Variants in FLG2 observed in about 807,000 individuals in gnomAD.
The protein encoded by FLG2 is filaggrin-2.
A neutral mutation model predicts 3.9 loss-of-function variants in FLG2; 7 were observed. The ratio of observed to expected loss-of-function variants is 1.79; its 90% CI spans 1.02 to 3.36. The LOEUF is 3.36. Among genes scored for constraint, FLG2 ranks in the 30% most tolerant of loss-of-function variants. The pLI, the probability that FLG2 is intolerant of heterozygous loss-of-function variation, is 0.00. For synonymous variants in FLG2, 1,031 were observed against 1,056.1 expected (o/e 0.98, Z 0.46); for missense variants, 2,700 against 2,809.4 (o/e 0.96, Z 0.88).
chr1:152,356,684 C>T lies in FLG2; in HGVS notation c.1102G>A (p.Gly368Arg), dbSNP rs1557900034. ...RENGQPQNCG[G>R]QWRTGSSQSS... ...TGACTTGAGCCTGTTCTCCATTGTC[C>T]TCCACAGTTCTGTGGTTGACCATTT... Residue 368 changes from glycine to arginine, a missense_variant, in exon 3 of 3, where the codon GGA (glycine) becomes AGA (arginine). Gly to Arg is a moderately radical substitution (Grantham distance 125, BLOSUM62 -2). Transcript: ENST00000388718. The T allele has an allele frequency of 1.9e-6, 3 of 1,614,244 alleles. No individual in the cohort carries two copies. The highest frequency in any genetic ancestry group is 2.5e-6 in the Non-Finnish European group (3 of 1,180,046).
In FLG2 at chr1:152,350,497, T is replaced by G. The variant is rs1570934817; in HGVS notation, c.*113A>C. The G allele has an allele frequency of 7.5e-7, 1 of 1,335,310 alleles. No individual in the cohort carries two copies. The highest frequency in any genetic ancestry group is 1.0e-6 in the Non-Finnish European group (1 of 987,792). 82.7% of individuals were successfully genotyped at this position (1,335,310 alleles called of 1,614,324 possible). On this transcript the variant is annotated 3_prime_UTR_variant, in exon 3 of 3. Transcript: ENST00000388718. ...TATAATAATAGGTCGAGACTGATAC[T>G]GAGAATCAACTGAATGTTCATAACT...
In FLG2 at chr1:152,352,016, C is replaced by T; in HGVS notation, c.5770G>A (p.Gly1924Arg). 6.2e-7 allele frequency: 1 copy of T among 1,613,854 alleles called. No homozygotes were observed. Among genetic ancestry groups the T allele is most frequent in the Non-Finnish European group, 8.5e-7 (1 of 1,179,958 alleles). Reference sequence around the variant, plus strand: ...TGTTCAGTGGTATCTCCTGTCTGTCCATGAGTAGTTTGGTGTCTCTTGTGA... The same window carrying T: ...TGTTCAGTGGTATCTCCTGTCTGTCTATGAGTAGTTTGGTGTCTCTTGTGA... Reference protein sequence around the residue: ...TVHKRHQTTHGQTGDTTEHGH... With the variant: ...TVHKRHQTTHRQTGDTTEHGH... Residue 1924 changes from glycine (G) to arginine (R), a missense_variant, in exon 3 of 3, where the codon GGA (glycine) becomes AGA (arginine). Coordinates refer to ENST00000388718, the MANE Select transcript of FLG2 (RefSeq NM_001014342.3).
chr1:152,356,447 A>T lies in FLG2; in HGVS notation c.1339T>A (p.Cys447Ser). 1 of 1,614,268 alleles carries T rather than the reference A, an allele frequency of 6.2e-7. No individual in the cohort carries two copies. Residue 447 changes from cysteine to serine, a missense_variant, in exon 3 of 3, where the codon TGT becomes AGT. Physicochemically the swap from Cys to Ser is moderately radical, Grantham distance 112. Coordinates refer to ENST00000388718, the MANE Select transcript of FLG2 (RefSeq NM_001014342.3). ...SQSSGFEQHV[C>S]GSGQTCGQHE... Reference sequence around the variant, plus strand: ...TGGCCACAAGTTTGACCTGAGCCACATACATGTTGTTCGAACCCAGAGGAC... The same window carrying T: ...TGGCCACAAGTTTGACCTGAGCCACTTACATGTTGTTCGAACCCAGAGGAC...
At position 152,355,126 on chromosome 1, in the gene FLG2, T is replaced by C; in HGVS notation, c.2660A>G (p.His887Arg). 6.4e-7 allele frequency: 1 copy of C among 1,555,900 alleles called. No individual in the cohort carries two copies. The highest frequency in any genetic ancestry group is 1.3e-5 in the African/African-American group (1 of 74,456). Residue 887 changes from histidine to arginine, a missense_variant, in exon 3 of 3, where the codon CAT (histidine) becomes CGT (arginine). Physicochemically the swap from His to Arg is conservative, Grantham distance 29. Transcript: ENST00000388718. ...ACTGGACTGACCTGAGCCTGATCCA[T>C]GTTGTCCAAAGCCAGAGTATTGACC... is the stretch of plus-strand genomic sequence containing the variant. ...SSGQYSGFGQ[H>R]GSGSGQSSGF...
Position 152,357,168 on chromosome 1 carries a change from T to G in FLG2, c.618A>C (p.Glu206Asp), listed in dbSNP as rs200601828. The G allele has an allele frequency of 1.1e-4, 178 of 1,614,170 alleles. No individual in the cohort carries two copies. In the Admixed American group the frequency reaches 2.9e-3, roughly 27 times the overall value. Reference sequence around the variant, plus strand: ...GGCTAATGTGTGACTTGTTTATTCTTTCTCTCAGTTCTACAGAGCTGGAAC... The same window carrying G: ...GGCTAATGTGTGACTTGTTTATTCTGTCTCTCAGTTCTACAGAGCTGGAAC... ...RHGSSSVELR[E>D]RINKSHISPS... is the part of the protein sequence containing the mutation. Residue 206 changes from glutamate to aspartate, a missense_variant, in exon 3 of 3, where the codon GAA becomes GAC. By Grantham distance (45) the Glu-to-Asp change is conservative (BLOSUM62 2). Transcript: ENST00000388718.
At position 152,353,887 on chromosome 1, in the gene FLG2, T is replaced by C; in HGVS notation, c.3899A>G (p.Tyr1300Cys). 1 of 1,614,024 alleles carries C rather than the reference T, an allele frequency of 6.2e-7. No homozygotes were observed. The highest frequency in any genetic ancestry group is 8.5e-7 in the Non-Finnish European group (1 of 1,179,952). ...GCGAACTGTGGATCCTGACTTTGGGTAGTGAGATCCAGCTTGTGTGTGAAT... is the reference window on the plus strand; with the variant it reads ...GCGAACTGTGGATCCTGACTTTGGGCAGTGAGATCCAGCTTGTGTGTGAAT... ...EHIHTQAGSH[Y>C]PKSGSTVRRR... The change falls in exon 3 of 3, where the codon TAC (tyrosine) becomes TGC (cysteine). Residue 1300 changes from tyrosine to cysteine, a missense_variant. By Grantham distance (194) the Tyr-to-Cys change is radical. Transcript: ENST00000388718.
rs149513642 is a variant in FLG2, at chr1:152,354,593, C to T, written c.3193G>A (p.Gly1065Arg). The T allele has an allele frequency of 9.8e-4, 1,587 of 1,613,510 alleles. 2 individuals are homozygous for T. Among genetic ancestry groups the T allele is most frequent in the Non-Finnish European group, 1.3e-3 (1,490 of 1,179,910 alleles). ...GTGSGQSSGF[G>R]QYESRSRQSS... The stretch of plus-strand genomic sequence containing the variant: ...TGACGTGATCTAGACTCATATTGTC[C>T]AAAACCAGAGGATTGTCCTGAACCA... Residue 1065 changes from glycine (G) to arginine (R), a missense_variant, in exon 3 of 3, where the codon GGA becomes AGA. By Grantham distance (125) the Gly-to-Arg change is moderately radical. Transcript: ENST00000388718.
At position 152,351,742 on chromosome 1, in the gene FLG2, G is replaced by T; in HGVS notation, c.6044C>A (p.Ser2015Tyr). 6.2e-7 allele frequency: 1 copy of T among 1,610,756 alleles called. No individual in the cohort carries two copies. The highest frequency in any genetic ancestry group is 8.5e-7 in the Non-Finnish European group (1 of 1,179,426). Residue 2015 changes from serine to tyrosine, a missense_variant, in exon 3 of 3, where the codon TCC (serine) becomes TAC (tyrosine). Physicochemically the swap from Ser to Tyr is moderately radical, Grantham distance 144. Transcript: ENST00000388718. ...AGTTGTCCTGGACCCTCTCTGTGTG[G>T]ACTGTCCATGACCAGAGTGGCCATG... is the stretch of plus-strand genomic sequence containing the variant. ...TRHGHSGHGQ[S>Y]TQRGSRTTGR...
In FLG2 at chr1:152,354,391, C is replaced by A. The variant is rs1218983814; in HGVS notation, c.3395G>T (p.Gly1132Val). Residue 1132 changes from glycine (G) to valine (V), a missense_variant, in exon 3 of 3, where the codon GGG (glycine) becomes GTG (valine). Physicochemically the swap from Gly to Val is moderately radical, Grantham distance 109. Transcript: ENST00000388718. ...GCCAGAGGATTTACCTGTGCCTGAC[C>A]CATGTTGTCCAAAGCCAGAAGACTG... ...SGQSSGFGQHGSGTGKSSGFA... is the reference protein window; with the variant it reads ...SGQSSGFGQHVSGTGKSSGFA... The A allele has an allele frequency of 1.2e-6, 2 of 1,613,624 alleles. No individual in the cohort carries two copies. The highest frequency in any genetic ancestry group is 1.7e-6 in the Non-Finnish European group (2 of 1,179,914).
rs752917777 is a variant in FLG2 at position 152,355,423 on chromosome 1, G to C, written c.2363C>G (p.Ser788Cys). ...TTGTCCAAAGCCAGATGTCTGTCTAGACCCATGTTGGCCATAGCCAGATGA... is the reference window on the plus strand; with the variant it reads ...TTGTCCAAAGCCAGATGTCTGTCTACACCCATGTTGGCCATAGCCAGATGA... ...SQSSGYGQHG[S>C]RQTSGFGQHG... Residue 788 changes from serine (S) to cysteine (C), a missense_variant, in exon 3 of 3, where the codon TCT (serine) becomes TGT (cysteine). By Grantham distance (112) the Ser-to-Cys change is moderately radical. Transcript: ENST00000388718. 2 of 1,613,354 alleles carry C rather than the reference G, an allele frequency of 1.2e-6. No individual in the cohort carries two copies. Among genetic ancestry groups the C allele is most frequent in the Admixed American group, 3.3e-5 (2 of 59,928 alleles).
At chr1:152,358,962 A>G (rs1654353366) in intron 1 of FLG2, 56 bp from the exon 2 acceptor site, 3 of 1,449,902 alleles carry the variant, frequency 2.1e-6, no homozygotes, top group South Asian at 2.9e-5. Flanking sequence ...TTTATCAGCA[A>G]TTTTCATTTT....
rs368837445 is a variant in FLG2, at chr1:152,356,789, C to T, written c.997G>A (p.Gly333Ser). 4 of 1,614,038 alleles carry T rather than the reference C, an allele frequency of 2.5e-6. No homozygotes were observed. The highest frequency in any genetic ancestry group is 3.4e-6 in the Non-Finnish European group (4 of 1,180,034). The change falls in exon 3 of 3, where the codon GGT (glycine) becomes AGT (serine). Residue 333 changes from glycine to serine, a missense_variant. By Grantham distance (56) the Gly-to-Ser change is moderately conservative. Transcript: ENST00000388718. The stretch of plus-strand genomic sequence containing the variant: ...GGTTGACCACATCCAGAGGGCTGAC[C>T]TCCTGAGACACAGCCATGGCCTTGT... ...GGQGHGCVSG[G>S]QPSGCGQPES... is the part of the protein sequence containing the mutation.
chr1:152,358,981 C>A, intron 1 of FLG2, 75 bp from the exon 2 acceptor site: 1 of 1,365,058 alleles, frequency 7.3e-7, no homozygotes, highest in African/African-American at 1.5e-5. Flanking sequence ...TTAATAATAA[C>A]CAGCATGATT....
rs753596583 is a variant in FLG2 at position 152,351,321 on chromosome 1, A to C, written c.6465T>G (p.Thr2155=). 1.7e-5 allele frequency: 27 copies of C among 1,613,838 alleles called. No individual in the cohort carries two copies. The highest frequency in any genetic ancestry group is 2.3e-5 in the Non-Finnish European group (27 of 1,179,980). The change falls in exon 3 of 3, where the codon ACT becomes ACG. Residue 2155 remains threonine (T), a synonymous_variant. Transcript: ENST00000388718. ...GTIHGQTGDT[T]RHGQSGHGQS... ...GTCCATGACCAGACTGGCCATGTCT[A>C]GTGGTATCTCCTGTCTGTCCATGTA... is the stretch of plus-strand genomic sequence containing the variant.
Position 152,352,665 on chromosome 1 carries a change from G to C in FLG2, c.5121C>G (p.His1707Gln), listed in dbSNP as rs1376228145. The C allele has an allele frequency of 6.2e-7, 1 of 1,613,414 alleles. No homozygotes were observed. Among genetic ancestry groups the C allele is most frequent in the Non-Finnish European group, 8.5e-7 (1 of 1,179,796 alleles). ...GQTGDTTRHA[H>Q]YHHGLTTQTG... The stretch of plus-strand genomic sequence containing the variant: ...TCTGTGTGGTTAATCCATGATGATA[G>C]TGGGCATGTCTAGTGGTATCTCCTG... Residue 1707 changes from histidine to glutamine, a missense_variant, in exon 3 of 3, where the codon CAC becomes CAG. By Grantham distance (24) the His-to-Gln change is conservative. Transcript: ENST00000388718.
Position 152,354,067 on chromosome 1 carries a change from T to C in FLG2, c.3719A>G (p.His1240Arg). The change falls in exon 3 of 3, where the codon CAT (histidine) becomes CGT (arginine). Residue 1240 changes from histidine (H) to arginine (R), a missense_variant. His to Arg is a conservative substitution (Grantham distance 29, BLOSUM62 0). Transcript: ENST00000388718. Reference protein sequence around the residue: ...STVHGRQETTHGQTINTTRHS... With the variant: ...STVHGRQETTRGQTINTTRHS... ...TCTAGTGGTATTTATTGTCTGACCATGAGTAGTTTCCTGTCTCCCATGAAC... is the reference window on the plus strand; with the variant it reads ...TCTAGTGGTATTTATTGTCTGACCACGAGTAGTTTCCTGTCTCCCATGAAC... 5 of 1,614,256 alleles carry C rather than the reference T, an allele frequency of 3.1e-6. No individual in the cohort carries two copies. Among genetic ancestry groups the C allele is most frequent in the Non-Finnish European group, 4.2e-6 (5 of 1,180,030 alleles).
chr1:152,353,383 G>C lies in FLG2; in HGVS notation c.4403C>G (p.Thr1468Ser). 4 of 1,613,200 alleles carry C rather than the reference G, an allele frequency of 2.5e-6. No individual in the cohort carries two copies. The highest frequency in any genetic ancestry group is 2.5e-6 in the Non-Finnish European group (3 of 1,179,878). The change falls in exon 3 of 3, where the codon ACT becomes AGT. Residue 1468 changes from threonine to serine, a missense_variant. Thr to Ser is a moderately conservative substitution (Grantham distance 58). Transcript: ENST00000388718. ...GSTVHGRHGT[T>S]HGQTGDTTRH... ...AGTGGTATCTCCTGTCTGTCCATGA[G>C]TAGTTCCGTGTCTCCCATGAACTGT...
Position 152,353,207 on chromosome 1 carries a change from A to T in FLG2, c.4579T>A (p.Ser1527Thr). ...ATGGATTCTGACTCTCCATGTTGAG[A>T]TCCACTTTGGCCGTGAGTGTGTCCT... Reference protein sequence around the residue: ...HSGHTHGQSGSQHGESESIIH... With the variant: ...HSGHTHGQSGTQHGESESIIH... Residue 1527 changes from serine to threonine, a missense_variant, in exon 3 of 3, where the codon TCT (serine) becomes ACT (threonine). Coordinates refer to ENST00000388718, the MANE Select transcript of FLG2 (RefSeq NM_001014342.3). 6.2e-7 allele frequency: 1 copy of T among 1,602,786 alleles called. No individual in the cohort carries two copies. The highest frequency in any genetic ancestry group is 1.1e-5 in the South Asian group (1 of 89,910).
In FLG2 at chr1:152,356,319, G is replaced by A. The variant is rs915375914; in HGVS notation, c.1467C>T (p.Ser489=). ...CTGACCCACATTGTCCAAAGCCAGA[G>A]GACTGACCTGAGCCAGACCCATGTT... ...FGQHGSGSGQ[S]SGFGQCGSGS... is the part of the protein sequence containing the mutation. Residue 489 remains serine, a synonymous_variant, in exon 3 of 3, where the codon TCC becomes TCT. Transcript: ENST00000388718. 1.2e-6 allele frequency: 2 copies of A among 1,614,008 alleles called. No homozygotes were observed. Among genetic ancestry groups the A allele is most frequent in the Non-Finnish European group, 1.7e-6 (2 of 1,179,986 alleles).
Sources: allele counts gnomAD v4.1 joint callset, GRCh38; gene constraint gnomAD v4.1.1; transcripts MANE v1.5; gene names NCBI Gene and HGNC (gene_info 2026-07-23, HGNC 2026-07-21).